GOSR2: variants seen among roughly 807,000 people sequenced by gnomAD.
The protein encoded by GOSR2 is 27 kDa Golgi SNARE protein.
In GOSR2, 20 loss-of-function variants were observed where a neutral mutation model predicts 27.9. The observed-to-expected ratio is 0.72, with a 90% CI of 0.50 to 1.04. The LOEUF (loss-of-function observed/expected upper bound fraction) is 1.04. Among genes scored for constraint, GOSR2 ranks in the 50% least tolerant of loss-of-function variants. The pLI is 0.00. For missense variants in GOSR2, 261 were observed against 270.5 expected, an observed-to-expected ratio of 0.97 and a Z score of 0.25; for synonymous variants, 91 against 98.8, an observed-to-expected ratio of 0.92 and a Z score of 0.47.
intron 6 of GOSR2, chr17:46,973,082 A>G (rs1274651847): frequency 6.6e-6 from 1 of 150,828 alleles, no homozygotes; most frequent in Non-Finnish European, 1.5e-5. Flanking sequence ...CTACTCGGAA[A>G]TCCCACTGAA....
downstream of GOSR2, among the ~76,000 whole-genome samples, chr17:46,946,292 A>G (rs1599123718): frequency 2.0e-5 from 1 of 49,002 alleles, no homozygotes; most frequent in African/African-American, 5.0e-5. Context: ...CAAAAAAAAA[A>G]AAAAAAAAAA....
intron 6 of GOSR2, among the ~76,000 whole-genome samples, chr17:46,965,354 C>G (rs942979315): frequency 6.6e-6 from 1 of 152,210 alleles, no homozygotes; most frequent in South Asian, 2.1e-4. Flanking sequence ...CCTGTGCTGA[C>G]AAGAAGTGCT....
At chr17:46,972,294 A>G (rs2091401234) in intron 6 of GOSR2, among the ~76,000 whole-genome samples, 6 of 151,542 alleles carry the variant, frequency 4.0e-5, no homozygotes, top group Admixed American at 3.9e-4. Context: ...GTCCTTTCAT[A>G]TGCTTCCTCT....
chr17:46,946,178 G>C (rs150969680), downstream of GOSR2, among the ~76,000 whole-genome samples: 207 of 151,318 alleles, frequency 1.4e-3, no homozygotes, highest in African/African-American at 4.7e-3. Context: ...TCTCATGCCT[G>C]TAATCCCAGC....
At chr17:46,935,724 C>T in intron 5 of GOSR2, 2 of 988,898 alleles carry the variant, frequency 2.0e-6, no homozygotes, top group Non-Finnish European at 2.4e-6. Flanking sequence ...TCTTCACTCC[C>T]TAGCCTTAGG....
intron 1 of GOSR2, among the ~76,000 whole-genome samples, chr17:46,924,068 A>T (rs1041655181): frequency 1.3e-5 from 2 of 152,186 alleles, no homozygotes; most frequent in African/African-American, 4.8e-5. Flanking sequence ...CATCACTACG[A>T]TCCATTTCCA....
At chr17:46,945,869 C>G (rs1025430201), downstream of GOSR2, among the ~76,000 whole-genome samples, 6 of 152,166 alleles carry the variant, frequency 3.9e-5, no homozygotes, top group African/African-American at 1.4e-4. Flanking sequence ...GAGATAAACC[C>G]CTGATCGCTG....
In GOSR2 at chr17:46,939,557, A is replaced by G; in HGVS notation, c.*797A>G. ...CAGGCTTTGTGGGCCTTTGCCCCTT[A>G]GAAAGTAGCTGTAGGCAAAGATTTG... is the stretch of plus-strand genomic sequence containing the variant. On this transcript the variant is annotated 3_prime_UTR_variant, in exon 6 of 6. Coordinates refer to ENST00000640051, the MANE Select transcript of GOSR2 (RefSeq NM_004287.5). The G allele has an allele frequency of 1.0e-6, 1 of 985,412 alleles. No homozygotes were observed. The highest frequency in any genetic ancestry group is 1.2e-6 in the Non-Finnish European group (1 of 829,884). 61.0% of individuals were successfully genotyped at this position (985,412 alleles called of 1,614,324 possible).
At position 46,956,277 on chromosome 17, in the gene GOSR2, CTTTTTTTTTTT is replaced by C. The variant is rs869045527; in HGVS notation, c.584-10237_584-10227del. ...AGGCCAGGATTCTGCCTTGCCAGTC[CTTTTTTTTTTT>C]TTTTTTTTTTTTTTTTTTTGAGACA... On this transcript the variant is annotated intron_variant, in intron 6 of 6. Coordinates refer to the GOSR2 transcript ENST00000573224. Among the ~76,000 whole-genome samples, 253 of 62,654 alleles carry C rather than the reference CTTTTTTTTTTT, an allele frequency of 4.0e-3. 3 individuals carry two copies. The highest frequency in any genetic ancestry group is 0.015 in the African/African-American group (245 of 16,384). The allele number at this position is 62,654 out of a possible 152,430, so 41.1% of individuals were successfully genotyped here.
chr17:46,966,523 AT>A, intron 6 of GOSR2: 3 of 687,990 alleles, frequency 4.4e-6, no homozygotes, highest in South Asian at 1.5e-5. Flanking sequence ...AATTTTTTGT[AT>A]TTTTTGCAGA....
At chr17:46,935,897 T>G (rs1391298425) in intron 5 of GOSR2, 10 of 985,846 alleles carry the variant, frequency 1.0e-5, no homozygotes, top group Non-Finnish European at 1.1e-5. Context: ...CTGTCTGTTA[T>G]CAGGGTGTGG....
At chr17:46,948,428 A>G (rs918169720) in intron 6 of GOSR2, 1 of 152,252 alleles carries the variant, frequency 6.6e-6, no homozygotes. Context: ...AAGGACTGCA[A>G]GTATTTGCCA....
At chr17:46,935,640 C>G in intron 5 of GOSR2, 1 of 1,005,176 alleles carries the variant, frequency 9.9e-7, no homozygotes, top group Non-Finnish European at 1.2e-6. Flanking sequence ...TTAGGGCTGC[C>G]TGGTTGTTTG....
downstream of GOSR2, among the ~76,000 whole-genome samples, chr17:46,946,811 C>T (rs1295467129): frequency 3.3e-5 from 5 of 152,156 alleles, no homozygotes; most frequent in African/African-American, 7.2e-5. Flanking sequence ...TGCAGTGAGC[C>T]GACATTGTGC....
In GOSR2 at chr17:46,941,293, A is replaced by G; in HGVS notation, c.*2533A>G. ...TGAATTTGAATGGGTTTGATTTGCA[A>G]ATTTGGATTTACACCCATTGTTTTG... On this transcript the variant is annotated 3_prime_UTR_variant, in exon 6 of 6. Transcript: ENST00000640051. 2 of 985,832 alleles carry G rather than the reference A, an allele frequency of 2.0e-6. No homozygotes were observed. Among genetic ancestry groups the G allele is most frequent in the Non-Finnish European group, 2.4e-6 (2 of 830,238 alleles). 61.1% of individuals were successfully genotyped at this position (985,832 alleles called of 1,614,324 possible). A position where few individuals can be genotyped will look rare whatever the true frequency, so the allele number is the denominator to read the frequency against.
Position 46,939,558 on chromosome 17 carries a change from GA to G in GOSR2, c.*801del. The G allele has an allele frequency of 1.0e-6, 1 of 985,428 alleles. No individual in the cohort carries two copies. The highest frequency in any genetic ancestry group is 1.2e-6 in the Non-Finnish European group (1 of 829,894). The allele number at this position is 985,428 out of a possible 1,614,324, so 61.0% of individuals were successfully genotyped here. On this transcript the variant is annotated 3_prime_UTR_variant, in exon 6 of 6. Transcript: ENST00000640051. ...AGGCTTTGTGGGCCTTTGCCCCTTAGAAAGTAGCTGTAGGCAAAGATTTGTG... is the reference window on the plus strand; with the variant it reads ...AGGCTTTGTGGGCCTTTGCCCCTTAGAAGTAGCTGTAGGCAAAGATTTGTG...
At chr17:46,957,208 G>A (rs1490163807) in intron 6 of GOSR2, among the ~76,000 whole-genome samples, 2 of 152,190 alleles carry the variant, frequency 1.3e-5, no homozygotes, top group African/African-American at 2.4e-5. Flanking sequence ...TGGAGGCTGA[G>A]GTGGGAGGAC....
At chr17:46,936,393 C>G (rs572765242) in intron 5 of GOSR2, 2 of 985,406 alleles carry the variant, frequency 2.0e-6, no homozygotes, top group South Asian at 9.4e-5. Flanking sequence ...CAGCACACCT[C>G]TTGCCACCCA....
chr17:46,936,471 T>A (rs1311162660), intron 5 of GOSR2: 4 of 985,288 alleles, frequency 4.1e-6, no homozygotes, highest in Non-Finnish European at 3.6e-6. Flanking sequence ...AACTTTCCTC[T>A]GCACACCTGT....
Sources: gnomAD v4.1 joint callset for allele counts (sites outside exome capture counted in the v4.1 genomes callset) on GRCh38, gnomAD v4.1.1 for gene constraint, MANE v1.5 for transcripts, NCBI Gene and HGNC (gene_info 2026-07-23, HGNC 2026-07-21) for gene names.